The following SPDYE21 variants were observed in gnomAD, a reference collection of about 807,000 sequenced individuals.
The protein encoded by SPDYE21 is speedy/RINGO cell cycle regulator family member E21.
SPDYE21 carries 14 observed loss-of-function variants against 36.2 expected under a neutral mutation model. The observed-to-expected ratio is 0.39, with a 90% CI of 0.26 to 0.61. The LOEUF (loss-of-function observed/expected upper bound fraction) is 0.61, where lower values mean the gene tolerates loss of function less well. Ranked by LOEUF, SPDYE21 falls within the 20% of genes least tolerant of loss-of-function variation. SPDYE21 has a pLI of 0.55. For missense variants in SPDYE21, 233 were observed against 424.6 expected (o/e 0.55, Z 3.97); for synonymous variants, 58 against 155.1 (o/e 0.37, Z 4.65).
intron 2 of SPDYE21, among the ~76,000 whole-genome samples, chr7:67,279,302 CCAGAA>C (rs1802593108): frequency 6.8e-6 from 1 of 147,704 alleles, no homozygotes; most frequent in Non-Finnish European, 1.5e-5. Context: ...ACCTGTAATC[CCAGAA>C]CTTTGGGAGG....
chr7:67,288,523 T>C lies in SPDYE21; in HGVS notation c.*1051T>C, dbSNP rs1365379922. Among the ~76,000 whole-genome samples, 27 of 147,892 alleles carry C rather than the reference T, an allele frequency of 1.8e-4. No homozygotes were observed. The highest frequency in any genetic ancestry group is 5.8e-4 in the East Asian group (3 of 5,138). On this transcript the variant is annotated 3_prime_UTR_variant, in exon 9 of 9. Coordinates refer to ENST00000424157, the MANE Select transcript of SPDYE21 (RefSeq NM_001382715.2). ...TAAATATTATTATTACTTTAAATAT[T>C]ATTTTAAATATTTTGGAAATACTGG...
chr7:67,279,861 G>C lies in SPDYE21; in HGVS notation c.204G>C (p.Trp68Cys). The C allele has an allele frequency of 6.3e-7, 1 of 1,592,168 alleles. No individual in the cohort carries two copies. The highest frequency in any genetic ancestry group is 2.2e-4 in the Middle Eastern group (1 of 4,552). Residue 68 changes from tryptophan (W) to cysteine (C), a missense_variant, in exon 3 of 9, where the codon TGG becomes TGC. Physicochemically the swap from Trp to Cys is radical, Grantham distance 215. This residue lies in a region of SPDYE21 where 68 missense variants were observed against 87.6 expected (regional missense o/e 0.78). Transcript: ENST00000424157. ...DPSPPCRSLG[W>C]KRKKEWSDES... is the part of the protein sequence containing the mutation. The stretch of plus-strand genomic sequence containing the variant: ...GCCCCCCATGTAGGTCCCTTGGCTG[G>C]AAAAGGAAGAAGGAGTGGTCAGATG...
At chr7:67,277,176 G>A (rs888956607) in intron 1 of SPDYE21, among the ~76,000 whole-genome samples, 114 bp downstream of exon 1, 4 of 151,978 alleles carry the variant, frequency 2.6e-5, no homozygotes, top group African/African-American at 4.8e-5. Context: ...ATTCTCCAGC[G>A]CCCTCTCCTG....
intron 3 of SPDYE21, among the ~76,000 whole-genome samples, 159 bp downstream of exon 3, chr7:67,280,195 G>C (rs571526264): frequency 3.4e-3 from 445 of 132,682 alleles, no homozygotes; most frequent in African/African-American, 8.5e-3. Flanking sequence ...ACACTTAGGA[G>C]ACGATAGAGG....
At chr7:67,281,122 A>AAAAAAAAG (rs1554402442) in intron 3 of SPDYE21, among the ~76,000 whole-genome samples, 7 of 122,494 alleles carry the variant, frequency 5.7e-5, no homozygotes, top group African/African-American at 2.6e-4. Flanking sequence ...AAAAAAAAAA[A>AAAAAAAAG]AAGGGACTCA....
chr7:67,283,202 T>C (rs1389745788), intron 5 of SPDYE21, among the ~76,000 whole-genome samples: 3 of 150,064 alleles, frequency 2.0e-5, no homozygotes, highest in Non-Finnish European at 4.4e-5. Flanking sequence ...GGCATGATCA[T>C]AGCTCATTGC....
intron 7 of SPDYE21, among the ~76,000 whole-genome samples, 38 bp from the exon 8 acceptor site, chr7:67,286,522 C>T (rs372400611): frequency 0.083 from 12,644 of 151,518 alleles, 580 homozygotes; most frequent in African/African-American, 0.1. Flanking sequence ...GGTATCCTGG[C>T]GAGTCCCCGT....
chr7:67,287,272 C>T (rs1802755970), intron 8 of SPDYE21, among the ~76,000 whole-genome samples: 1 of 152,212 alleles, frequency 6.6e-6, no homozygotes, highest in Non-Finnish European at 1.5e-5. Flanking sequence ...ACCCAAAGTC[C>T]TTGCTATGAA....
In SPDYE21 at chr7:67,278,590, G is replaced by A. The variant is rs1455067885; in HGVS notation, c.-124G>A. 1.6e-5 allele frequency among the ~76,000 whole-genome samples: 2 copies of A among 125,688 alleles called. No homozygotes were observed. The highest frequency in any genetic ancestry group is 3.3e-5 in the Non-Finnish European group (2 of 60,392). The allele number at this position is 125,688 out of a possible 152,430, so 82.5% of individuals were successfully genotyped here. The stretch of plus-strand genomic sequence containing the variant: ...TTCCTGATTGGAGGGACCGGACTCC[G>A]TGGTGCCTGGAGATCAGTTGGACAA... On this transcript the variant is annotated 5_prime_UTR_variant, in exon 2 of 9. The change creates a new upstream start codon in the 5' untranslated region. Coordinates refer to ENST00000424157, the MANE Select transcript of SPDYE21 (RefSeq NM_001382715.2).
intron 8 of SPDYE21, among the ~76,000 whole-genome samples, chr7:67,287,060 C>G (rs897359727): frequency 6.6e-6 from 1 of 152,114 alleles, no homozygotes; most frequent in Non-Finnish European, 1.5e-5. Flanking sequence ...CAGCTAACCA[C>G]GTTGAGCACA....
intron 6 of SPDYE21, among the ~76,000 whole-genome samples, 167 bp downstream of exon 6, chr7:67,284,165 C>T (rs957401047): frequency 6.7e-6 from 1 of 148,674 alleles, no homozygotes; most frequent in African/African-American, 2.5e-5. Context: ...AACAGAAACT[C>T]AGGCTGGGCA....
intron 2 of SPDYE21, 112 bp from the exon 3 acceptor site, chr7:67,279,706 A>G: frequency 6.3e-7 from 1 of 1,593,066 alleles, no homozygotes; most frequent in Non-Finnish European, 8.5e-7. Flanking sequence ...GGCTTAGAGA[A>G]GCCAGCAGTC....
intron 6 of SPDYE21, among the ~76,000 whole-genome samples, chr7:67,284,240 G>C (rs1260288673): frequency 6.7e-6 from 1 of 150,306 alleles, no homozygotes; most frequent in Non-Finnish European, 1.5e-5. Flanking sequence ...CCTGAGGTCA[G>C]CAGTTCGAGA....
At chr7:67,284,273 A>ACCC (rs1802689982) in intron 6 of SPDYE21, among the ~76,000 whole-genome samples, 1 of 151,162 alleles carries the variant, frequency 6.6e-6, no homozygotes. Context: ...ACATGGCCAA[A>ACCC]CCCCGTCTCT....
chr7:67,286,271 G>T lies in SPDYE21; in HGVS notation c.983G>T (p.Arg328Leu). ...RSMNPRARKY[R>L]SRIPLVRKRR... is the part of the protein sequence containing the mutation. Reference sequence around the variant, plus strand: ...ATGAACCCGAGGGCCAGGAAGTACCGCTCTCGCATACCCTTGGTCCGTAAG... The same window carrying T: ...ATGAACCCGAGGGCCAGGAAGTACCTCTCTCGCATACCCTTGGTCCGTAAG... Residue 328 changes from arginine (R) to leucine (L), a missense_variant, in exon 7 of 9, where the codon CGC becomes CTC. Around this residue, in one of 4 missense-constraint regions of SPDYE21, gnomAD observed 139 missense variants for 175.8 expected, o/e 0.79. Coordinates refer to ENST00000424157, the MANE Select transcript of SPDYE21 (RefSeq NM_001382715.2). The T allele has an allele frequency of 6.3e-7, 1 of 1,592,996 alleles. No homozygotes were observed. Among genetic ancestry groups the T allele is most frequent in the Non-Finnish European group, 8.6e-7 (1 of 1,164,202 alleles).
chr7:67,281,958 CA>C (rs963737557), intron 4 of SPDYE21, among the ~76,000 whole-genome samples: 32 of 151,962 alleles, frequency 2.1e-4, no homozygotes, highest in African/African-American at 7.5e-4. Flanking sequence ...GGTGACAGAG[CA>C]AAACCCTGTC....
Position 67,278,610 on chromosome 7 carries a change from GGAC to G in SPDYE21, c.-103_-101del, listed in dbSNP as rs2116501819. The stretch of plus-strand genomic sequence containing the variant: ...ACTCCGTGGTGCCTGGAGATCAGTT[GGAC>G]AACAGTATCTTCTCAGAGCTGTTCT... On this transcript the variant is annotated 5_prime_UTR_variant, in exon 2 of 9. It introduces an in-frame stop codon into an upstream open reading frame of the 5' UTR. Coordinates refer to ENST00000424157, the MANE Select transcript of SPDYE21 (RefSeq NM_001382715.2). 7.5e-6 allele frequency among the ~76,000 whole-genome samples: 1 copy of G among 133,332 alleles called. No individual in the cohort carries two copies. The highest frequency in any genetic ancestry group is 2.7e-4 in the South Asian group (1 of 3,650). The allele number at this position is 133,332 out of a possible 152,430, so 87.5% of individuals were successfully genotyped here.
chr7:67,285,954 G>C (rs563359016), intron 6 of SPDYE21, 90 bp from the exon 7 acceptor site: 2 of 1,605,456 alleles, frequency 1.2e-6, no homozygotes, highest in East Asian at 2.2e-5. Context: ...AGCTAGGGAC[G>C]GTCCCTTACC....
chr7:67,284,228 T>C (rs3980860), intron 6 of SPDYE21, among the ~76,000 whole-genome samples: 33,037 of 136,564 alleles, frequency 0.24, 4,362 homozygotes, highest in East Asian at 0.38. Flanking sequence ...GCAGGCAGAT[T>C]ACCTGAGGTC....
Sources: allele counts gnomAD v4.1 joint callset (sites outside exome capture counted in the v4.1 genomes callset), GRCh38; gene constraint gnomAD v4.1.1; regional missense constraint gnomAD v4.1.1; transcripts MANE v1.5; gene names NCBI Gene and HGNC (gene_info 2026-07-23, HGNC 2026-07-21).